The following CD99 variants were observed in gnomAD, a reference collection of about 807,000 sequenced individuals.
CD99 encodes the protein CD99 molecule (Xg blood group).
CD99 carries 19 observed loss-of-function variants against 28.4 expected under a neutral mutation model. That is an observed-to-expected ratio of 0.67 (90% confidence interval 0.47 to 0.98). The LOEUF (loss-of-function observed/expected upper bound fraction) is 0.98. CD99 is among the 50% of genes least tolerant of loss of function. The probability of loss-of-function intolerance (pLI) is 0.00; values close to 1 mark genes in which losing one functional copy is unlikely to be tolerated. For missense variants in CD99, 283 were observed against 248.8 expected (o/e 1.14, Z -0.92); for synonymous variants, 103 against 92.1 (o/e 1.12, Z -0.67).
In CD99 at chrX:2,717,630, A is replaced by G. The variant is rs2048792917; in HGVS notation, c.126A>G (p.Ala42=). 1 of 1,613,784 alleles carries G rather than the reference A, an allele frequency of 6.2e-7. No homozygotes were observed. Among genetic ancestry groups the G allele is most frequent in the African/African-American group, 1.3e-5 (1 of 75,044 alleles). ...ACAATGAAAACAAGAAACCCACTGCAATCCCCAAGAAACCCAGTGCTGGTG... is the reference window on the plus strand; with the variant it reads ...ACAATGAAAACAAGAAACCCACTGCGATCCCCAAGAAACCCAGTGCTGGTG... ...LPDNENKKPT[A]IPKKPSAGDD... is the part of the protein sequence containing the mutation. The change falls in exon 3 of 10, where the codon GCA becomes GCG. Residue 42 remains alanine, a synonymous_variant. Coordinates refer to ENST00000381192, the MANE Select transcript of CD99 (RefSeq NM_002414.5).
chrX:2,716,102 T>G (rs2048698419), intron 2 of CD99, among the ~76,000 whole-genome samples: 2 of 149,840 alleles, frequency 1.3e-5, no homozygotes, highest in Admixed American at 1.3e-4. Flanking sequence ...CACTGCAACC[T>G]CTGCCTCCCG....
chrX:2,696,604 T>C (rs1453939685), intron 1 of CD99, among the ~76,000 whole-genome samples: 1 of 152,128 alleles, frequency 6.6e-6, no homozygotes, highest in Non-Finnish European at 1.5e-5. Context: ...AGTTTCACCA[T>C]CTTGGCCAGG....
chrX:2,693,102 C>A (rs910328570), intron 1 of CD99, among the ~76,000 whole-genome samples: 4 of 152,022 alleles, frequency 2.6e-5, no homozygotes, highest in Non-Finnish European at 4.4e-5. Flanking sequence ...ATTCTCTAAG[C>A]CCCAAACAAG....
intron 1 of CD99, among the ~76,000 whole-genome samples, chrX:2,711,367 CAGTATGTATGTATAT>C (rs2048398951): frequency 6.8e-6 from 1 of 146,072 alleles, no homozygotes; most frequent in Non-Finnish European, 1.5e-5. Context: ...TGTGTATATA[CAGTATGTATGTATAT>C]AGTATGTGTA....
chrX:2,691,680 G>A (rs1312780641), intron 1 of CD99: 4 of 703,204 alleles, frequency 5.7e-6, no homozygotes, highest in Non-Finnish European at 1.0e-5. Flanking sequence ...TTACATGTGG[G>A]GCGGCCTTGG....
At position 2,740,888 on chromosome X, in the gene CD99, G is replaced by A; in HGVS notation, c.*84G>A. ...GCTCCTCCCTGAAGGACACCTGCCT[G>A]AGAGCAGAGATGGAGGCCTTCTGTT... On this transcript the variant is annotated 3_prime_UTR_variant, in exon 10 of 10. Transcript: ENST00000381192. 6.9e-7 allele frequency: 1 copy of A among 1,446,202 alleles called. No homozygotes were observed. Among genetic ancestry groups the A allele is most frequent in the Non-Finnish European group, 9.7e-7 (1 of 1,026,932 alleles). 89.6% of individuals were successfully genotyped at this position (1,446,202 alleles called of 1,614,324 possible). A position where few individuals can be genotyped will look rare whatever the true frequency, so the allele number is the denominator to read the frequency against.
intron 1 of CD99, among the ~76,000 whole-genome samples, chrX:2,705,349 C>G (rs1416540521): frequency 6.6e-6 from 1 of 152,196 alleles, no homozygotes; most frequent in East Asian, 1.9e-4. Context: ...ATTTCTGAGA[C>G]TATGACACTC....
chrX:2,691,902 G>C (rs1972122745), intron 1 of CD99: 3 of 779,262 alleles, frequency 3.8e-6, no homozygotes, highest in African/African-American at 1.7e-5. Context: ...CTGAGACCCG[G>C]GTGGTGGGGG....
At chrX:2,732,012 T>A (rs375218985) in intron 8 of CD99, among the ~76,000 whole-genome samples, 7 of 151,814 alleles carry the variant, frequency 4.6e-5, no homozygotes. Context: ...TCCCAGCTAA[T>A]TTTTTACCTT....
At chrX:2,693,150 GTT>G (rs1556296914) in intron 1 of CD99, among the ~76,000 whole-genome samples, 1 of 147,024 alleles carries the variant, frequency 6.8e-6, no homozygotes, top group Non-Finnish European at 1.5e-5. Context: ...GGTGGTGGTG[GTT>G]TTTTTTTTTT....
In CD99 at chrX:2,718,526, G is replaced by A. The variant is rs780866450; in HGVS notation, c.148+874G>A. On this transcript the variant is annotated intron_variant, in intron 3 of 9. Transcript: ENST00000381192. ...TGGGACTACAGGCAGCGGCCACCAC[G>A]CCCAGCTAATTTTTTTGTATTTTTA... Among the ~76,000 whole-genome samples, 8 of 152,032 alleles carry A rather than the reference G, an allele frequency of 5.3e-5. 1 individual carries two copies. In the South Asian group the frequency reaches 1.2e-3, roughly 24 times the overall value.
rs138953489 is a variant in CD99 at position 2,692,836 on chromosome X, G to T, written c.67+1409G>T. On this transcript the variant is annotated intron_variant, in intron 1 of 9. Transcript: ENST00000381192. The stretch of plus-strand genomic sequence containing the variant: ...CTTCCTTCTTTTGCACCTACTGTGG[G>T]CTTGGGGTCAGGGAAATATATCCAA... 7.7e-3 allele frequency among the ~76,000 whole-genome samples: 1,176 copies of T among 152,268 alleles called. 13 individuals carry two copies. Among genetic ancestry groups the T allele is most frequent in the African/African-American group, 0.027 (1,112 of 41,538 alleles).
At position 2,693,749 on chromosome X, in the gene CD99, A is replaced by G. The variant is rs768171542; in HGVS notation, c.67+2322A>G. On this transcript the variant is annotated intron_variant, in intron 1 of 9. Coordinates refer to ENST00000381192, the MANE Select transcript of CD99 (RefSeq NM_002414.5). Reference sequence around the variant, plus strand: ...GTGGGATGTGGTGAGGGATGGATGGACAGAGGGAGGTGTATAGAGGAAAAG... The same window carrying G: ...GTGGGATGTGGTGAGGGATGGATGGGCAGAGGGAGGTGTATAGAGGAAAAG... 7.2e-5 allele frequency among the ~76,000 whole-genome samples: 11 copies of G among 152,052 alleles called. No individual in the cohort carries two copies. The South Asian group carries it at 2.3e-3, about 32-fold the overall frequency.
intron 1 of CD99, chrX:2,692,141 G>T: frequency 1.8e-6 from 1 of 559,904 alleles, no homozygotes; most frequent in Non-Finnish European, 3.2e-6. Flanking sequence ...CCCTAAACCG[G>T]GCCTATTTCT....
intron 8 of CD99, among the ~76,000 whole-genome samples, chrX:2,735,461 C>G (rs1441732422): frequency 6.6e-6 from 1 of 152,224 alleles, no homozygotes; most frequent in Admixed American, 6.5e-5. Flanking sequence ...GATGTTGGAA[C>G]TGTTGCCCCA....
At position 2,711,015 on chromosome X, in the gene CD99, C is replaced by T. The variant is rs930033334; in HGVS notation, c.68-3407C>T. Among the ~76,000 whole-genome samples, 9 of 150,538 alleles carry T rather than the reference C, an allele frequency of 6.0e-5. No homozygotes were observed. The East Asian group carries it at 7.8e-4, about 13-fold the overall frequency. On this transcript the variant is annotated intron_variant, in intron 1 of 9. Transcript: ENST00000381192. The stretch of plus-strand genomic sequence containing the variant: ...CCTCCTGAGTAGCTGGGATTACATG[C>T]GCATATCACCACGCCTGGCCAATTT...
intron 6 of CD99, 99 bp from the exon 7 acceptor site, chrX:2,723,215 G>C (rs2049089852): frequency 8.5e-7 from 1 of 1,182,540 alleles, no homozygotes; most frequent in South Asian, 1.2e-5. Flanking sequence ...TACCCCCGTA[G>C]AGTGTAAGAA....
intron 1 of CD99, among the ~76,000 whole-genome samples, chrX:2,709,714 G>GCATGTACATAGACACACACATA (rs1238248874): frequency 6.6e-6 from 1 of 152,174 alleles, no homozygotes; most frequent in Non-Finnish European, 1.5e-5. Flanking sequence ...ACACACACAT[G>GCATGTACATAGACACACACATA]CATGTACATA....
In CD99 at chrX:2,726,381, T is replaced by C; in HGVS notation, c.475+8T>C. ...TATGCTTCAAAGAAAATGGTAAGTC[T>C]CAGTCCGCCGGTGCCTCTCCTTCAT... On this transcript the variant is annotated splice_region_variant and intron_variant, in intron 8 of 9. Transcript: ENST00000381192. 6.5e-7 allele frequency: 1 copy of C among 1,544,024 alleles called. No individual in the cohort carries two copies. Among genetic ancestry groups the C allele is most frequent in the Non-Finnish European group, 9.0e-7 (1 of 1,117,306 alleles).
Sources: allele counts gnomAD v4.1 joint callset (sites outside exome capture counted in the v4.1 genomes callset), GRCh38; gene constraint gnomAD v4.1.1; transcripts MANE v1.5; gene names NCBI Gene and HGNC (gene_info 2026-07-23, HGNC 2026-07-21).